The following HECTD4 variants were observed in gnomAD, a reference collection of about 807,000 sequenced individuals.
HECTD4 encodes the protein HECT domain E3 ubiquitin protein ligase 4.
A neutral mutation model predicts 471.5 loss-of-function variants in HECTD4; 114 were observed. The observed-to-expected ratio is 0.24, with a 90% CI of 0.21 to 0.28. The LOEUF is 0.28. Ranked by LOEUF, HECTD4 falls within the 10% of genes least tolerant of loss-of-function variation. The probability of loss-of-function intolerance (pLI) is 1.00; values close to 1 mark genes in which losing one functional copy is unlikely to be tolerated. For missense variants in HECTD4, 3,866 were observed against 5,651.5 expected (o/e 0.68, Z 10.13); for synonymous variants, 2,012 against 2,256.0 (o/e 0.89, Z 3.07).
In HECTD4 at chr12:112,239,014, G is replaced by A. The variant is rs771613095; in HGVS notation, c.5290+38C>T. The A allele has an allele frequency of 1.3e-6, 2 of 1,550,964 alleles. No homozygotes were observed. The highest frequency in any genetic ancestry group is 4.0e-5 in the Admixed American group (2 of 49,616). On this transcript the variant is annotated intron_variant, in intron 34 of 75. Transcript: ENST00000682272. This position sits in a 1 kb window ranked among gnomAD's most constrained non-coding sequence, Gnocchi z 4.9. The stretch of plus-strand genomic sequence containing the variant: ...CCAATAAACTAACACACCAATAGAA[G>A]AAATCAGTGAGCTCTAGAAAGGAGT...
rs117981031 is a variant in HECTD4 at position 112,189,166 on chromosome 12, G to A, written c.9472+1620C>T. Among the ~76,000 whole-genome samples, 34 of 152,136 alleles carry A rather than the reference G, an allele frequency of 2.2e-4. 1 individual carries two copies. The East Asian group carries it at 6.6e-3, about 29-fold the overall frequency. ...AACCACACTGCGCTTGGCCCTCCTA[G>A]GGTGTATGAAAGCATTTGACTTGGT... is the stretch of plus-strand genomic sequence containing the variant. On this transcript the variant is annotated intron_variant, in intron 60 of 75. Transcript: ENST00000682272.
chr12:112,232,400 GA>G (rs1300757938), intron 38 of HECTD4, among the ~76,000 whole-genome samples: 1 of 152,192 alleles, frequency 6.6e-6, no homozygotes, highest in Non-Finnish European at 1.5e-5. Flanking sequence ...AAAGTGCTGG[GA>G]TTACAGGCGT....
At chr12:112,295,763 C>G (rs1385881019) in intron 7 of HECTD4, among the ~76,000 whole-genome samples, 1 of 151,400 alleles carries the variant, frequency 6.6e-6, no homozygotes, top group Non-Finnish European at 1.5e-5. Context: ...CACCTTAGCC[C>G]TCCAAATAGC....
chr12:112,179,204 T>C lies in HECTD4; in HGVS notation c.11181A>G (p.Pro3727=), dbSNP rs754737685. The stretch of plus-strand genomic sequence containing the variant: ...TGAGCTGATCCTCCAGCACCTTTTT[T>C]GGCGGCCGGACATTGGTGAAGAAGA... ...LHLFFTNVRP[P]KKVLEDQLTQ... The change falls in exon 63 of 76, where the codon CCA becomes CCG. Residue 3727 remains proline (P), a synonymous_variant. Coordinates refer to ENST00000682272, the MANE Select transcript of HECTD4 (RefSeq NM_001388303.1). The surrounding 1 kb of genome is among the most constrained non-coding windows in gnomAD (Gnocchi z 4.3). 3.7e-6 allele frequency: 6 copies of C among 1,613,868 alleles called. 1 individual carries two copies. In the South Asian group the frequency reaches 4.4e-5, roughly 12 times the overall value.
At chr12:112,252,156 T>C (rs2033904748) in intron 23 of HECTD4, among the ~76,000 whole-genome samples, 1 of 152,200 alleles carries the variant, frequency 6.6e-6, no homozygotes, top group South Asian at 2.1e-4. Flanking sequence ...TGTGGAAAGA[T>C]GCTGGGGTCA....
At chr12:112,286,628 G>A (rs1037384130) in intron 7 of HECTD4, among the ~76,000 whole-genome samples, 7 of 152,034 alleles carry the variant, frequency 4.6e-5, no homozygotes, top group Admixed American at 2.0e-4. Context: ...GGAAGGGAAG[G>A]CTGCAGTGAA....
At chr12:112,259,304 G>A (rs759882387) in intron 18 of HECTD4, 39 bp from the exon 19 acceptor site, 2 of 1,604,344 alleles carry the variant, frequency 1.2e-6, no homozygotes, top group East Asian at 4.5e-5. Context: ...CCTAAGCAAT[G>A]CCCAAACATG....
At chr12:112,311,206 G>A (rs956036384) in intron 4 of HECTD4, among the ~76,000 whole-genome samples, 9 of 151,682 alleles carry the variant, frequency 5.9e-5, no homozygotes, top group African/African-American at 2.2e-4. Context: ...AGGTTGCAGT[G>A]AGCCAAGATC....
At chr12:112,245,445 T>C (rs772601607) in intron 29 of HECTD4, among the ~76,000 whole-genome samples, 1 of 152,240 alleles carries the variant, frequency 6.6e-6, no homozygotes, top group East Asian at 1.9e-4. Context: ...CAGGTCTATA[T>C]ACAGGACCTT....
At chr12:112,244,761 T>C (rs183012448) in intron 29 of HECTD4, among the ~76,000 whole-genome samples, 113 of 152,320 alleles carry the variant, frequency 7.4e-4, no homozygotes, top group Non-Finnish European at 1.5e-3. Flanking sequence ...AACTGATTTA[T>C]TGTCATTTAA....
intron 1 of HECTD4, among the ~76,000 whole-genome samples, chr12:112,338,765 G>A (rs192224142): frequency 1.2e-3 from 183 of 152,180 alleles, no homozygotes; most frequent in Non-Finnish European, 2.1e-3. Flanking sequence ...GAGGCCTTAC[G>A]GAGCTTTTAC....
At chr12:112,286,618 G>A (rs1348254222) in intron 7 of HECTD4, among the ~76,000 whole-genome samples, 1 of 152,132 alleles carries the variant, frequency 6.6e-6, no homozygotes, top group Non-Finnish European at 1.5e-5. Flanking sequence ...AAAGAGCCCA[G>A]GAAGGGAAGG....
rs757914377 is a variant in HECTD4 at position 112,268,649 on chromosome 12, G to C, written c.2321+1055C>G. Among the ~76,000 whole-genome samples, 118 of 151,844 alleles carry C rather than the reference G, an allele frequency of 7.8e-4. 1 individual carries two copies. The highest frequency in any genetic ancestry group is 1.6e-3 in the Non-Finnish European group (107 of 67,950). ...CACATGCCTGTAATCCCATCTACTT[G>C]AGAGGCTGAGGCAGGAGAATCACTT... On this transcript the variant is annotated intron_variant, in intron 13 of 75. Transcript: ENST00000682272.
intron 25 of HECTD4, chr12:112,249,700 C>G (rs1026756917): frequency 1.7e-5 from 3 of 178,178 alleles, no homozygotes; most frequent in Admixed American, 5.4e-5. Context: ...CATTAGAGAA[C>G]TCCTCACCAT....
intron 3 of HECTD4, among the ~76,000 whole-genome samples, chr12:112,313,646 C>T (rs2035416414): frequency 6.6e-6 from 1 of 151,974 alleles, no homozygotes. Context: ...CACCATCACG[C>T]CCGGCTAATT....
chr12:112,270,348 C>T lies in HECTD4; in HGVS notation c.2054G>A (p.Ser685Asn). The change falls in exon 12 of 76, where the codon AGT (serine) becomes AAT (asparagine). Residue 685 changes from serine (S) to asparagine (N), a missense_variant. Physicochemically the swap from Ser to Asn is conservative, Grantham distance 46 (BLOSUM62 1). This residue lies in a region of HECTD4 where 525 missense variants were observed against 672.6 expected (regional missense o/e 0.78). Transcript: ENST00000682272. ...LATNPNLPIT[S>N]VLGKQHPIEA... is the part of the protein sequence containing the mutation. ...AATTGGATGCTGCTTGCCCAAGACA[C>T]TTGTGATTGGAAGATTGGGGTTGGT... 1 of 1,614,016 alleles carries T rather than the reference C, an allele frequency of 6.2e-7. No individual in the cohort carries two copies. Among genetic ancestry groups the T allele is most frequent in the African/African-American group, 1.3e-5 (1 of 75,060 alleles).
At chr12:112,357,968 C>T (rs573364375) in intron 1 of HECTD4, among the ~76,000 whole-genome samples, 91 of 152,270 alleles carry the variant, frequency 6.0e-4, no homozygotes, top group Non-Finnish European at 1.2e-3. Flanking sequence ...TTTGGGAAGC[C>T]GAGGCAGGCG....
chr12:112,182,547 C>A (rs999447958), intron 62 of HECTD4, among the ~76,000 whole-genome samples: 6 of 152,168 alleles, frequency 3.9e-5, no homozygotes, highest in Admixed American at 3.3e-4. Flanking sequence ...TGTCCTCAAG[C>A]ATATGATGAA....
chr12:112,352,134 A>C (rs577139058), intron 1 of HECTD4, among the ~76,000 whole-genome samples: 46 of 152,272 alleles, frequency 3.0e-4, no homozygotes, highest in African/African-American at 1.0e-3. Flanking sequence ...GAGACAGGGT[A>C]TGCTCTTGCA....
Sources: allele counts gnomAD v4.1 joint callset (sites outside exome capture counted in the v4.1 genomes callset), GRCh38; gene constraint gnomAD v4.1.1; regional missense constraint gnomAD v4.1.1; non-coding constraint Gnocchi (gnomAD v3.1); transcripts MANE v1.5; gene names NCBI Gene and HGNC (gene_info 2026-07-23, HGNC 2026-07-21).